SDK1: variants seen among roughly 807,000 people sequenced by gnomAD.
SDK1 encodes protein sidekick-1.
Under a neutral mutation model 245.5 loss-of-function variants are expected in SDK1, and 157 were observed. The ratio of observed to expected loss-of-function variants is 0.64; its 90% CI spans 0.56 to 0.73. The LOEUF is 0.73. Among genes scored for constraint, SDK1 ranks in the 30% least tolerant of loss-of-function variants. The pLI, the probability that SDK1 is intolerant of heterozygous loss-of-function variation, is 0.00. For synonymous variants in SDK1, 1,647 were observed against 1,278.5 expected, an observed-to-expected ratio of 1.29 and a Z score of -6.15; for missense variants, 3,583 against 3,002.3, an observed-to-expected ratio of 1.19 and a Z score of -4.52.
intron 1 of SDK1, among the ~76,000 whole-genome samples, chr7:3,556,264 A>G (rs1247931176): frequency 6.6e-6 from 1 of 152,168 alleles, no homozygotes; most frequent in African/African-American, 2.4e-5. Flanking sequence ...GTCATTTGCA[A>G]CAACACTCGT....
rs576221158 is a variant in SDK1 at position 3,846,271 on chromosome 7, T to C, written c.847+24688T>C. 8.5e-5 allele frequency among the ~76,000 whole-genome samples: 13 copies of C among 152,310 alleles called. 1 individual carries two copies. In the South Asian group the frequency reaches 2.5e-3, roughly 29 times the overall value. ...TTGGGTATGCAGTTAATATACTGTT[T>C]AAAGGGATCTCAATAAAGATTTCCT... On this transcript the variant is annotated intron_variant, in intron 5 of 44. Coordinates refer to ENST00000404826, the MANE Select transcript of SDK1 (RefSeq NM_152744.4).
chr7:4,050,014 C>T (rs1223254234), intron 18 of SDK1, among the ~76,000 whole-genome samples: 1 of 152,174 alleles, frequency 6.6e-6, no homozygotes, highest in East Asian at 1.9e-4. Flanking sequence ...GTGTTAACTT[C>T]ACTGATGTAC....
rs1271318112 is a variant in SDK1, at chr7:3,358,124, C to T, written c.298+56240C>T. Reference sequence around the variant, plus strand: ...GCAACCTCTGCCTCCTGGATTCCAGCGATTCTCCTGCGTCAGCTTCCTGAG... The same window carrying T: ...GCAACCTCTGCCTCCTGGATTCCAGTGATTCTCCTGCGTCAGCTTCCTGAG... On this transcript the variant is annotated intron_variant, in intron 1 of 44. Coordinates refer to ENST00000404826, the MANE Select transcript of SDK1 (RefSeq NM_152744.4). Among the ~76,000 whole-genome samples the T allele has an allele frequency of 5.3e-5, 8 of 152,040 alleles. No individual in the cohort carries two copies. The South Asian group carries it at 8.3e-4, about 16-fold the overall frequency.
chr7:4,021,876 A>G lies in SDK1; in HGVS notation c.2602+4524A>G, dbSNP rs76884952. Among the ~76,000 whole-genome samples, 184 of 152,308 alleles carry G rather than the reference A, an allele frequency of 1.2e-3. 1 individual carries two copies. Among genetic ancestry groups the G allele is most frequent in the African/African-American group, 4.3e-3 (177 of 41,562 alleles). Reference sequence around the variant, plus strand: ...TTTCTAAGTGAGATGAAATCTGACAATGGGCTCCTGGCTTGCCTCACACAG... The same window carrying G: ...TTTCTAAGTGAGATGAAATCTGACAGTGGGCTCCTGGCTTGCCTCACACAG... On this transcript the variant is annotated intron_variant, in intron 17 of 44. Coordinates refer to ENST00000404826, the MANE Select transcript of SDK1 (RefSeq NM_152744.4).
intron 38 of SDK1, among the ~76,000 whole-genome samples, chr7:4,213,513 A>T (rs1343965216): frequency 6.6e-6 from 1 of 151,166 alleles, no homozygotes; most frequent in Non-Finnish European, 1.5e-5. Context: ...TGAACCCGGG[A>T]GGTGGAGGCT....
intron 1 of SDK1, among the ~76,000 whole-genome samples, chr7:3,394,202 C>G (rs756344505): frequency 6.6e-6 from 1 of 152,116 alleles, no homozygotes; most frequent in Non-Finnish European, 1.5e-5. Context: ...ACTTCTCCCC[C>G]GACCCTCATT....
chr7:4,110,214 C>T (rs957809724), intron 22 of SDK1, among the ~76,000 whole-genome samples: 5 of 152,106 alleles, frequency 3.3e-5, no homozygotes, highest in Non-Finnish European at 5.9e-5. Context: ...GGGTTGGGGT[C>T]GAAGCTGGAC....
In SDK1 at chr7:4,056,864, G is replaced by A. The variant is rs929508049; in HGVS notation, c.2911+5034G>A. On this transcript the variant is annotated intron_variant, in intron 19 of 44. Transcript: ENST00000404826. ...GACAGACCATTCTGCTCCGGGTCCC[G>A]ACAGACCATTCCGCCCCGGCTCCCG... Among the ~76,000 whole-genome samples the A allele has an allele frequency of 5.1e-5, 7 of 137,506 alleles. No homozygotes were observed. In the South Asian group the frequency reaches 8.8e-4, roughly 17 times the overall value. 90.2% of individuals were successfully genotyped at this position (137,506 alleles called of 152,430 possible). A position where few individuals can be genotyped will look rare whatever the true frequency, so the allele number is the denominator to read the frequency against.
At chr7:3,768,846 C>A (rs1399766477) in intron 4 of SDK1, among the ~76,000 whole-genome samples, 1 of 152,210 alleles carries the variant, frequency 6.6e-6, no homozygotes, top group Non-Finnish European at 1.5e-5. Flanking sequence ...ATTTTCCATT[C>A]AGTTTTCCTT....
chr7:4,083,212 G>A (rs1406790031), intron 22 of SDK1, among the ~76,000 whole-genome samples: 2 of 152,080 alleles, frequency 1.3e-5, no homozygotes, highest in Non-Finnish European at 2.9e-5. Flanking sequence ...ATGAGATAAT[G>A]AACAGGTTCC....
At chr7:3,380,255 G>C (rs141335124) in intron 1 of SDK1, among the ~76,000 whole-genome samples, 2 of 152,302 alleles carry the variant, frequency 1.3e-5, no homozygotes, top group Non-Finnish European at 2.9e-5. Flanking sequence ...GTACTTACTG[G>C]AAATGGCCTG....
chr7:4,239,964 A>G (rs925714739), intron 42 of SDK1, among the ~76,000 whole-genome samples: 1 of 152,220 alleles, frequency 6.6e-6, no homozygotes, highest in South Asian at 2.1e-4. Flanking sequence ...GGTTAAAAAA[A>G]CCAGTCACCT....
intron 4 of SDK1, among the ~76,000 whole-genome samples, chr7:3,702,933 C>G (rs1213807590): frequency 1.3e-5 from 2 of 151,950 alleles, no homozygotes; most frequent in East Asian, 1.9e-4. Context: ...AGTGACAGTA[C>G]CAAATACTCA....
At chr7:4,056,881 C>A (rs535687529) in intron 19 of SDK1, among the ~76,000 whole-genome samples, 7 of 152,092 alleles carry the variant, frequency 4.6e-5, no homozygotes, top group Admixed American at 3.9e-4. Flanking sequence ...CATTCCGCCC[C>A]GGCTCCCGAC....
rs574253617 is a variant in SDK1 at position 3,431,968 on chromosome 7, A to G, written c.298+130084A>G. On this transcript the variant is annotated intron_variant, in intron 1 of 44. Transcript: ENST00000404826. Reference sequence around the variant, plus strand: ...CAGGGGTGTTTAAACTGTGATTAACAAATGTTAAATTATACATCCCAGTTT... The same window carrying G: ...CAGGGGTGTTTAAACTGTGATTAACGAATGTTAAATTATACATCCCAGTTT... Among the ~76,000 whole-genome samples the G allele has an allele frequency of 2.0e-5, 3 of 152,198 alleles. No individual in the cohort carries two copies. In the South Asian group the frequency reaches 6.2e-4, roughly 32 times the overall value.
rs540620427 is a variant in SDK1 at position 3,399,971 on chromosome 7, G to C, written c.298+98087G>C. Among the ~76,000 whole-genome samples the C allele has an allele frequency of 5.3e-5, 8 of 152,144 alleles. No individual in the cohort carries two copies. The South Asian group carries it at 1.5e-3, about 28-fold the overall frequency. On this transcript the variant is annotated intron_variant, in intron 1 of 44. Transcript: ENST00000404826. The stretch of plus-strand genomic sequence containing the variant: ...TTTTTGACAAATGCCCTAGGGTAGA[G>C]GGCTTCTCCTGCTTGGTGAGCTCTG...
At chr7:3,573,290 A>G (rs537906413) in intron 1 of SDK1, among the ~76,000 whole-genome samples, 18 of 152,136 alleles carry the variant, frequency 1.2e-4, no homozygotes, top group Non-Finnish European at 1.9e-4. Context: ...GACTGACAGT[A>G]TGGCCTGCAC....
At chr7:3,322,370 TTATC>T (rs1462851124) in intron 1 of SDK1, among the ~76,000 whole-genome samples, 2 of 152,234 alleles carry the variant, frequency 1.3e-5, no homozygotes, top group Non-Finnish European at 2.9e-5. Flanking sequence ...CACAGTTTGT[TTATC>T]CATTCATCTG....
Position 3,335,058 on chromosome 7 carries a change from C to T in SDK1, c.298+33174C>T, listed in dbSNP as rs374709014. Among the ~76,000 whole-genome samples the T allele has an allele frequency of 1.4e-3, 212 of 152,242 alleles. 1 individual carries two copies. Among genetic ancestry groups the T allele is most frequent in the African/African-American group, 4.9e-3 (202 of 41,548 alleles). Reference sequence around the variant, plus strand: ...TCTGCTTTTAAAACATACCCTGAAACCAGTCACTTATAATCAGCCTTATTG... The same window carrying T: ...TCTGCTTTTAAAACATACCCTGAAATCAGTCACTTATAATCAGCCTTATTG... On this transcript the variant is annotated intron_variant, in intron 1 of 44. Coordinates refer to ENST00000404826, the MANE Select transcript of SDK1 (RefSeq NM_152744.4).
Sources: gnomAD v4.1 joint callset for allele counts (sites outside exome capture counted in the v4.1 genomes callset) on GRCh38, gnomAD v4.1.1 for gene constraint, MANE v1.5 for transcripts, NCBI Gene and HGNC (gene_info 2026-07-23, HGNC 2026-07-21) for gene names.